VAT1L: variants seen among roughly 807,000 people sequenced by gnomAD.
The protein encoded by VAT1L is vesicle amine transport 1 like.
VAT1L carries 34 observed loss-of-function variants against 44.1 expected under a neutral mutation model. That is an observed-to-expected ratio of 0.77 (90% confidence interval 0.59 to 1.03). VAT1L has a LOEUF of 1.03. Ranked by LOEUF, VAT1L falls within the 50% of genes least tolerant of loss-of-function variation. VAT1L has a pLI of 0.00. For synonymous variants in VAT1L, 253 were observed against 202.2 expected (o/e 1.25, Z -2.13); for missense variants, 615 against 538.8 (o/e 1.14, Z -1.40).
At chr16:77,830,987 C>T (rs1056598778) in intron 3 of VAT1L, among the ~76,000 whole-genome samples, 1 of 152,134 alleles carries the variant, frequency 6.6e-6, no homozygotes, top group Non-Finnish European at 1.5e-5. Flanking sequence ...TCTGGCCAAA[C>T]CTCTTATTCT....
intron 1 of VAT1L, among the ~76,000 whole-genome samples, chr16:77,813,431 A>G (rs1258906606): frequency 6.6e-6 from 1 of 152,202 alleles, no homozygotes; most frequent in Admixed American, 6.5e-5. Context: ...CTTCTGCTAT[A>G]AACACATGTG....
chr16:77,880,573 C>T (rs373879027), intron 6 of VAT1L, among the ~76,000 whole-genome samples: 10 of 121,482 alleles, frequency 8.2e-5, no homozygotes, highest in East Asian at 2.3e-4. Context: ...TTTTTTTTTT[C>T]TTCGCACGTT....
chr16:77,900,922 T>C (rs980463390), intron 7 of VAT1L, among the ~76,000 whole-genome samples: 2 of 152,016 alleles, frequency 1.3e-5, no homozygotes, highest in Non-Finnish European at 2.9e-5. Context: ...ATGATGCTTT[T>C]CTAAGCAGAG....
rs964850335 is a variant in VAT1L, at chr16:77,879,392, G to C, written c.882+168G>C. On this transcript the variant is annotated intron_variant, in intron 6 of 8. Transcript: ENST00000302536. The surrounding 1 kb of genome is among the most constrained non-coding windows in gnomAD (Gnocchi z 4.1). ...GGCAACCTCCGACTCCCTGGTTCAA[G>C]CGATTCTCCTGCCTCAGCCTCCCTA... Among the ~76,000 whole-genome samples, 26 of 152,214 alleles carry C rather than the reference G, an allele frequency of 1.7e-4. No homozygotes were observed. The highest frequency in any genetic ancestry group is 6.3e-4 in the African/African-American group (26 of 41,454).
chr16:77,792,869 A>C (rs1055126608), intron 1 of VAT1L, among the ~76,000 whole-genome samples: 7 of 152,228 alleles, frequency 4.6e-5, no homozygotes, highest in African/African-American at 1.7e-4. Context: ...AATGAAGCTT[A>C]AATGACATGC....
chr16:77,932,252 C>A (rs548617577), intron 7 of VAT1L, among the ~76,000 whole-genome samples: 1 of 151,666 alleles, frequency 6.6e-6, no homozygotes, highest in Non-Finnish European at 1.5e-5. Flanking sequence ...TACAGGCGCC[C>A]GCCACCACAG....
chr16:77,889,927 A>C (rs1429863316), intron 7 of VAT1L, among the ~76,000 whole-genome samples: 3 of 152,138 alleles, frequency 2.0e-5, no homozygotes, highest in Non-Finnish European at 4.4e-5. Context: ...TCTCTACTAA[A>C]AATACAAAAA....
intron 7 of VAT1L, among the ~76,000 whole-genome samples, chr16:77,966,832 A>G (rs2018227733): frequency 1.3e-5 from 2 of 151,718 alleles, no homozygotes; most frequent in Non-Finnish European, 1.5e-5. Flanking sequence ...TCAAAGGCGC[A>G]CTTGCCACAT....
intron 4 of VAT1L, among the ~76,000 whole-genome samples, chr16:77,868,783 G>A (rs187422604): frequency 6.6e-6 from 1 of 152,234 alleles, no homozygotes; most frequent in East Asian, 1.9e-4. Flanking sequence ...CAGCACTGTG[G>A]ACATTTGGGC....
At chr16:77,903,674 A>G (rs765241939) in intron 7 of VAT1L, among the ~76,000 whole-genome samples, 2 of 151,216 alleles carry the variant, frequency 1.3e-5, no homozygotes, top group Non-Finnish European at 2.9e-5. Context: ...TAATTATTCA[A>G]TGCCACGTGA....
chr16:77,821,096 T>G (rs2016445551), intron 2 of VAT1L, among the ~76,000 whole-genome samples: 1 of 152,182 alleles, frequency 6.6e-6, no homozygotes, highest in Admixed American at 6.5e-5. Flanking sequence ...CTTGTAATTA[T>G]CCATCAACCC....
chr16:77,879,115 A>G lies in VAT1L; in HGVS notation c.827-54A>G. 6.3e-7 allele frequency: 1 copy of G among 1,579,868 alleles called. No homozygotes were observed. Among genetic ancestry groups the G allele is most frequent in the Non-Finnish European group, 8.7e-7 (1 of 1,149,532 alleles). ...ATTGCCATTTTTTTCATGCATAACA[A>G]GAGATGTCCATTTTCATTAGCAATT... On this transcript the variant is annotated intron_variant, in intron 5 of 8. Transcript: ENST00000302536. This position sits in a 1 kb window ranked among gnomAD's most constrained non-coding sequence, Gnocchi z 4.1.
intron 7 of VAT1L, among the ~76,000 whole-genome samples, chr16:77,921,676 G>A (rs1407035670): frequency 6.6e-6 from 1 of 152,094 alleles, no homozygotes; most frequent in Non-Finnish European, 1.5e-5. Context: ...CTTTATTTGT[G>A]ACTTTTAGGC....
chr16:77,949,966 T>C (rs1419804361), intron 7 of VAT1L, among the ~76,000 whole-genome samples: 1 of 152,242 alleles, frequency 6.6e-6, no homozygotes, highest in Non-Finnish European at 1.5e-5. Context: ...AGATTCCAGA[T>C]GACTGTACCC....
intron 1 of VAT1L, chr16:77,799,994 G>A (rs1024026103): frequency 6.6e-6 from 1 of 152,096 alleles, no homozygotes; most frequent in Non-Finnish European, 1.5e-5. Flanking sequence ...TACAAACAGT[G>A]GCCATTCCTG....
At chr16:77,966,587 T>C (rs1341522739) in intron 7 of VAT1L, among the ~76,000 whole-genome samples, 3 of 152,176 alleles carry the variant, frequency 2.0e-5, no homozygotes, top group Admixed American at 2.0e-4. Flanking sequence ...AAACATGCAG[T>C]CCAGTGCTGT....
intron 3 of VAT1L, among the ~76,000 whole-genome samples, chr16:77,850,334 T>C (rs2016796024): frequency 6.6e-6 from 1 of 152,178 alleles, no homozygotes; most frequent in Non-Finnish European, 1.5e-5. Context: ...CCCAACTTTA[T>C]AGCTAAGGCT....
intron 7 of VAT1L, among the ~76,000 whole-genome samples, chr16:77,926,118 T>C (rs1236479714): frequency 2.0e-5 from 3 of 151,002 alleles, no homozygotes; most frequent in Non-Finnish European, 4.4e-5. Flanking sequence ...CCAGGCATGG[T>C]GGCGGGCGCC....
intron 7 of VAT1L, among the ~76,000 whole-genome samples, chr16:77,915,809 C>A (rs1010256212): frequency 2.6e-5 from 4 of 152,120 alleles, no homozygotes; most frequent in Non-Finnish European, 2.9e-5. Context: ...GAATCATATA[C>A]AAGATGTGTA....
Sources: gnomAD v4.1 joint callset for allele counts (sites outside exome capture counted in the v4.1 genomes callset) on GRCh38, gnomAD v4.1.1 for gene constraint, Gnocchi (gnomAD v3.1) non-coding constraint, MANE v1.5 for transcripts, NCBI Gene and HGNC (gene_info 2026-07-23, HGNC 2026-07-21) for gene names.